The following CNTNAP2 variants were observed in gnomAD, a reference collection of about 807,000 sequenced individuals.
CNTNAP2 encodes contactin-associated protein-like 2.
CNTNAP2 carries 98 observed loss-of-function variants against 155.2 expected under a neutral mutation model. That is an observed-to-expected ratio of 0.63 (90% CI 0.54 to 0.75). The LOEUF (loss-of-function observed/expected upper bound fraction) is 0.75. Ranked by LOEUF, CNTNAP2 falls within the 30% of genes least tolerant of loss-of-function variation. The pLI is 0.00. For missense variants in CNTNAP2, 1,727 were observed against 1,688.1 expected (o/e 1.02, Z -0.40); for synonymous variants, 651 against 631.2 (o/e 1.03, Z -0.47).
chr7:148,396,040 C>A (rs1223373973), intron 22 of CNTNAP2, among the ~76,000 whole-genome samples: 3 of 152,122 alleles, frequency 2.0e-5, no homozygotes, highest in African/African-American at 7.2e-5. Flanking sequence ...GCATGGCACT[C>A]AAAGGTGCAT....
At chr7:146,607,909 A>T (rs990081901) in intron 1 of CNTNAP2, among the ~76,000 whole-genome samples, 3 of 152,138 alleles carry the variant, frequency 2.0e-5, no homozygotes, top group African/African-American at 7.2e-5. Flanking sequence ...TTCTCCTTCA[A>T]GTTTACCATG....
rs143274113 is a variant in CNTNAP2 at position 147,120,412 on chromosome 7, A to G, written c.755-567A>G. On this transcript the variant is annotated intron_variant, in intron 5 of 23. Coordinates refer to ENST00000361727, the MANE Select transcript of CNTNAP2 (RefSeq NM_014141.6). ...AACCCAAGCTAAAAGTGGAGCCAGC[A>G]TCAGAACCCAGAAGGCTTCTGTAAA... 2.7e-3 allele frequency among the ~76,000 whole-genome samples: 407 copies of G among 152,276 alleles called. 4 individuals are homozygous for G. Among genetic ancestry groups the G allele is most frequent in the African/African-American group, 9.3e-3 (386 of 41,568 alleles).
intron 1 of CNTNAP2, among the ~76,000 whole-genome samples, chr7:146,698,477 C>A (rs964562319): frequency 1.3e-5 from 2 of 152,090 alleles, no homozygotes; most frequent in Non-Finnish European, 2.9e-5. Flanking sequence ...TTATACCACT[C>A]TCTTCTTGCT....
chr7:146,580,969 G>A (rs1487602030), intron 1 of CNTNAP2, among the ~76,000 whole-genome samples: 1 of 152,032 alleles, frequency 6.6e-6, no homozygotes, highest in African/African-American at 2.4e-5. Context: ...AGAGACAATT[G>A]AAAAATTAAT....
intron 13 of CNTNAP2, among the ~76,000 whole-genome samples, chr7:147,664,886 C>T (rs541018984): frequency 1.3e-5 from 2 of 152,304 alleles, no homozygotes; most frequent in South Asian, 4.1e-4. Flanking sequence ...CTGCAATGCC[C>T]TTGTAAGTTA....
At chr7:147,404,031 A>G (rs1796962086) in intron 10 of CNTNAP2, among the ~76,000 whole-genome samples, 1 of 152,042 alleles carries the variant, frequency 6.6e-6, no homozygotes, top group Non-Finnish European at 1.5e-5. Flanking sequence ...CTGTGCAGGC[A>G]TTTCTCTTAC....
intron 1 of CNTNAP2, among the ~76,000 whole-genome samples, chr7:146,553,194 A>G (rs1798146748): frequency 6.6e-6 from 1 of 152,154 alleles, no homozygotes; most frequent in South Asian, 2.1e-4. Context: ...AATATATGAA[A>G]TTATGACAAT....
At chr7:147,830,746 C>T (rs891226092) in intron 13 of CNTNAP2, among the ~76,000 whole-genome samples, 45 of 152,162 alleles carry the variant, frequency 3.0e-4, no homozygotes, top group Non-Finnish European at 1.8e-4. Flanking sequence ...ATGCTCTGTA[C>T]GCATTACTTC....
chr7:146,786,219 G>C (rs1203631588), intron 2 of CNTNAP2, among the ~76,000 whole-genome samples: 1 of 151,992 alleles, frequency 6.6e-6, no homozygotes, highest in Non-Finnish European at 1.5e-5. Flanking sequence ...TAAATTCCAT[G>C]CTTTTGTGAC....
intron 8 of CNTNAP2, among the ~76,000 whole-genome samples, chr7:147,193,851 A>G (rs1449338851): frequency 6.6e-6 from 1 of 152,184 alleles, no homozygotes; most frequent in African/African-American, 2.4e-5. Flanking sequence ...GAGTAGGGAT[A>G]CTTTTAAGAC....
intron 13 of CNTNAP2, among the ~76,000 whole-genome samples, chr7:147,736,430 C>T (rs1487424771): frequency 6.6e-6 from 1 of 152,116 alleles, no homozygotes; most frequent in Non-Finnish European, 1.5e-5. Context: ...GGTAACCCGA[C>T]CTTTCTCTCT....
At chr7:146,346,462 A>G (rs934884097) in intron 1 of CNTNAP2, among the ~76,000 whole-genome samples, 2 of 152,168 alleles carry the variant, frequency 1.3e-5, no homozygotes, top group African/African-American at 4.8e-5. Flanking sequence ...TGGGTGGATC[A>G]TTTGAGGTCA....
intron 1 of CNTNAP2, among the ~76,000 whole-genome samples, chr7:146,555,018 C>T (rs1025323870): frequency 6.6e-6 from 1 of 152,124 alleles, no homozygotes; most frequent in African/African-American, 2.4e-5. Context: ...ACTTATTTGC[C>T]AAATAAGAGA....
chr7:146,433,197 G>A (rs990533262), intron 1 of CNTNAP2, among the ~76,000 whole-genome samples: 5 of 152,134 alleles, frequency 3.3e-5, no homozygotes, highest in African/African-American at 4.8e-5. Flanking sequence ...ATTGAATTTA[G>A]CATATTTGTT....
At chr7:148,002,085 T>G (rs985276392) in intron 15 of CNTNAP2, among the ~76,000 whole-genome samples, 6 of 152,234 alleles carry the variant, frequency 3.9e-5, no homozygotes, top group African/African-American at 1.4e-4. Flanking sequence ...CATGGCTTGA[T>G]GCTGCTATCT....
At chr7:146,440,889 G>T (rs1016929518) in intron 1 of CNTNAP2, among the ~76,000 whole-genome samples, 3 of 151,580 alleles carry the variant, frequency 2.0e-5, no homozygotes, top group Non-Finnish European at 4.4e-5. Context: ...GGAGATGTTA[G>T]TTCAGTGAAG....
rs79413577 is a variant in CNTNAP2, at chr7:147,394,767, G to T, written c.1499-842G>T. On this transcript the variant is annotated intron_variant, in intron 9 of 23. Coordinates refer to ENST00000361727, the MANE Select transcript of CNTNAP2 (RefSeq NM_014141.6). ...TAAACTCTTAATGTCTGATTTCAAG[G>T]TTGGTGTGGGCATTCTATTTCCTAA... Among the ~76,000 whole-genome samples the T allele has an allele frequency of 3.3e-5, 5 of 150,652 alleles. No individual in the cohort carries two copies. The East Asian group carries it at 5.9e-4, about 18-fold the overall frequency.
intron 9 of CNTNAP2, among the ~76,000 whole-genome samples, chr7:147,347,684 A>G (rs1225146274): frequency 1.3e-5 from 2 of 151,916 alleles, no homozygotes; most frequent in African/African-American, 4.8e-5. Context: ...AAAAAATTCT[A>G]AAATGTGTGT....
intron 13 of CNTNAP2, among the ~76,000 whole-genome samples, chr7:147,740,001 C>G (rs1167878141): frequency 2.0e-5 from 3 of 152,126 alleles, no homozygotes; most frequent in Non-Finnish European, 4.4e-5. Context: ...GCCCACAACT[C>G]CAGGTGTCTG....
Sources: allele counts gnomAD v4.1 joint callset (sites outside exome capture counted in the v4.1 genomes callset), GRCh38; gene constraint gnomAD v4.1.1; transcripts MANE v1.5; gene names NCBI Gene and HGNC (gene_info 2026-07-23, HGNC 2026-07-21).